TFDP1: variants seen among roughly 807,000 people sequenced by gnomAD.
The protein encoded by TFDP1 is DRTF1-polypeptide 1.
In TFDP1, 6 loss-of-function variants were observed where a neutral mutation model predicts 48.0. The ratio of observed to expected loss-of-function variants is 0.13; its 90% confidence interval spans 0.07 to 0.25. TFDP1 has a LOEUF of 0.25. TFDP1 is among the 10% of genes least tolerant of loss of function. The pLI, the probability that TFDP1 is intolerant of heterozygous loss-of-function variation, is 1.00. For synonymous variants in TFDP1, 201 were observed against 211.6 expected (o/e 0.95, Z 0.44); for missense variants, 335 against 543.0 (o/e 0.62, Z 3.81).
chr13:113,636,501 C>G (rs373962549), intron 9 of TFDP1, 33 bp from the exon 10 acceptor site: 9 of 1,608,968 alleles, frequency 5.6e-6, no homozygotes, highest in Non-Finnish European at 7.6e-6. Flanking sequence ...CGCTGGGAGA[C>G]CCTGTCTTTC....
Position 113,638,465 on chromosome 13 carries a change from G to A in TFDP1, c.1085+569G>A, listed in dbSNP as rs554819159. 1.3e-4 allele frequency among the ~76,000 whole-genome samples: 19 copies of A among 151,714 alleles called. No homozygotes were observed. In the South Asian group the frequency reaches 3.5e-3, roughly 28 times the overall value. ...GAACGCGTCTGCGGTCTCGGCGCAC[G>A]TGCTGCGATCACAGTGCATGTATTT... is the stretch of plus-strand genomic sequence containing the variant. On this transcript the variant is annotated intron_variant, in intron 11 of 11. Transcript: ENST00000375370.
At chr13:113,630,801 A>C (rs2140569178) in intron 4 of TFDP1, among the ~76,000 whole-genome samples, 1 of 148,552 alleles carries the variant, frequency 6.7e-6, no homozygotes, top group Non-Finnish European at 1.5e-5. Flanking sequence ...GTCAAGAGTC[A>C]GACCAGCCAG....
At chr13:113,609,365 TGG>T (rs1315031914) in intron 2 of TFDP1, among the ~76,000 whole-genome samples, 2,081 of 152,304 alleles carry the variant, frequency 0.014, 48 homozygotes, top group African/African-American at 0.047. Context: ...CAGCCAGGGC[TGG>T]GACGGTGCCT....
At position 113,633,941 on chromosome 13, in the gene TFDP1, C is replaced by T; in HGVS notation, c.526C>T (p.Leu176=). 6.2e-7 allele frequency: 1 copy of T among 1,614,182 alleles called. No individual in the cohort carries two copies. Among genetic ancestry groups the T allele is most frequent in the Non-Finnish European group, 8.5e-7 (1 of 1,180,040 alleles). The change falls in exon 7 of 12, where the codon CTA becomes TTA. Residue 176 remains leucine (L), a synonymous_variant. Coordinates refer to ENST00000375370, the MANE Select transcript of TFDP1 (RefSeq NM_007111.5). The surrounding 1 kb of genome is among the most constrained non-coding windows in gnomAD (Gnocchi z 4.5). ...RRRVYDALNV[L]MAMNIISKEK... ...GCGCGTCTACGATGCCTTAAACGTG[C>T]TAATGGCCATGAACATCATCTCCAA... is the stretch of plus-strand genomic sequence containing the variant.
chr13:113,598,693 C>T lies in TFDP1; in HGVS notation c.13-12303C>T, dbSNP rs1387178329. Among the ~76,000 whole-genome samples, 2 of 152,204 alleles carry T rather than the reference C, an allele frequency of 1.3e-5. No homozygotes were observed. The highest frequency in any genetic ancestry group is 2.9e-5 in the Non-Finnish European group (2 of 68,034). On this transcript the variant is annotated intron_variant, in intron 2 of 11. Transcript: ENST00000375370. This position sits in a 1 kb window ranked among gnomAD's most constrained non-coding sequence, Gnocchi z 4.2. ...CCTCCTGGGTGGAGTCTGCGTCCCC[C>T]TTTCCTGGTCATTTAAGTTGCGTGG...
chr13:113,608,021 G>A (rs936497010), intron 2 of TFDP1, among the ~76,000 whole-genome samples: 16 of 152,224 alleles, frequency 1.1e-4, no homozygotes, highest in Non-Finnish European at 2.1e-4. Flanking sequence ...AGACACGAGC[G>A]TCACAGTGGC....
chr13:113,593,717 C>T (rs1455987806), intron 2 of TFDP1, among the ~76,000 whole-genome samples: 3 of 142,022 alleles, frequency 2.1e-5, no homozygotes, highest in African/African-American at 8.0e-5. Context: ...TACGTGGGTC[C>T]TCAGCCCTGC....
At position 113,623,447 on chromosome 13, in the gene TFDP1, C is replaced by A. The variant is rs2049044982; in HGVS notation, c.186+161C>A. 6.6e-6 allele frequency among the ~76,000 whole-genome samples: 1 copy of A among 152,174 alleles called. No homozygotes were observed. Among genetic ancestry groups the A allele is most frequent in the Admixed American group, 6.5e-5 (1 of 15,278 alleles). ...GAGCCCGTGGCCAGTGCTAGATTTT[C>A]CATAGCCCTCTGCAGCTGCCCACGT... On this transcript the variant is annotated intron_variant, in intron 4 of 11. Coordinates refer to ENST00000375370, the MANE Select transcript of TFDP1 (RefSeq NM_007111.5). This position sits in a 1 kb window ranked among gnomAD's most constrained non-coding sequence, Gnocchi z 5.2.
At chr13:113,611,109 A>C (rs1377951614) in intron 3 of TFDP1, 47 bp downstream of exon 3, 1 of 1,514,580 alleles carries the variant, frequency 6.6e-7, no homozygotes, top group African/African-American at 1.4e-5. Flanking sequence ...TGAATGCATG[A>C]AGCTTCACAT....
chr13:113,628,433 T>C lies in TFDP1; in HGVS notation c.187-3190T>C, dbSNP rs187611000. 2.0e-3 allele frequency among the ~76,000 whole-genome samples: 311 copies of C among 152,308 alleles called. 2 individuals carry two copies. The highest frequency in any genetic ancestry group is 7.0e-3 in the African/African-American group (291 of 41,574). Reference sequence around the variant, plus strand: ...GTGGGGCCTGGGTCACCTCCCCTGCTCCCCAGCGAGAGGCGGGTGAGGGAG... The same window carrying C: ...GTGGGGCCTGGGTCACCTCCCCTGCCCCCCAGCGAGAGGCGGGTGAGGGAG... On this transcript the variant is annotated intron_variant, in intron 4 of 11. Transcript: ENST00000375370.
chr13:113,595,774 C>T (rs1214270143), intron 2 of TFDP1, among the ~76,000 whole-genome samples: 2 of 152,230 alleles, frequency 1.3e-5, no homozygotes, highest in African/African-American at 4.8e-5. Context: ...TAGTCATTTA[C>T]TTCCTCTCCT....
intron 2 of TFDP1, among the ~76,000 whole-genome samples, chr13:113,608,767 T>G (rs2048633003): frequency 6.6e-6 from 1 of 152,220 alleles, no homozygotes; most frequent in Admixed American, 6.5e-5. Context: ...CTTAACCTAC[T>G]TTGCTGTAGT....
chr13:113,627,944 C>T lies in TFDP1; in HGVS notation c.187-3679C>T, dbSNP rs994774479. 2.0e-5 allele frequency among the ~76,000 whole-genome samples: 3 copies of T among 152,190 alleles called. No homozygotes were observed. Among genetic ancestry groups the T allele is most frequent in the African/African-American group, 7.2e-5 (3 of 41,454 alleles). On this transcript the variant is annotated intron_variant, in intron 4 of 11. Coordinates refer to ENST00000375370, the MANE Select transcript of TFDP1 (RefSeq NM_007111.5). The surrounding 1 kb of genome is among the most constrained non-coding windows in gnomAD (Gnocchi z 4.1). ...GTGCAGCCAGTGAGGAGGGGAGCTCCTGGGGGAGGAGGGTTGGTCTCGGGC... is the reference window on the plus strand; with the variant it reads ...GTGCAGCCAGTGAGGAGGGGAGCTCTTGGGGGAGGAGGGTTGGTCTCGGGC...
At chr13:113,600,107 C>G (rs560336841) in intron 2 of TFDP1, among the ~76,000 whole-genome samples, 7 of 150,582 alleles carry the variant, frequency 4.6e-5, no homozygotes, top group Admixed American at 3.3e-4. Context: ...AGAGAGAACC[C>G]AGGACCGTGA....
At chr13:113,629,445 T>C (rs1025446874) in intron 4 of TFDP1, among the ~76,000 whole-genome samples, 38 of 152,338 alleles carry the variant, frequency 2.5e-4, no homozygotes, top group African/African-American at 8.9e-4. Flanking sequence ...GGGTTTGACC[T>C]GTGATTTTGA....
chr13:113,634,664 C>A, intron 8 of TFDP1, 62 bp downstream of exon 8: 2 of 1,249,642 alleles, frequency 1.6e-6, no homozygotes, highest in Non-Finnish European at 2.3e-6. Context: ...AGCTTTATAA[C>A]GGCAACATAC....
At chr13:113,620,361 C>T (rs73577473) in intron 3 of TFDP1, among the ~76,000 whole-genome samples, 3,833 of 152,284 alleles carry the variant, frequency 0.025, 120 homozygotes, top group East Asian at 0.11. Context: ...CTGTTCAGGA[C>T]GGAAAGAGCC....
Position 113,611,028 on chromosome 13 carries a change from G to A in TFDP1, c.45G>A (p.Lys15=), listed in dbSNP as rs1209018022. Residue 15 remains lysine, a synonymous_variant, in exon 3 of 12, where the codon AAG becomes AAA. Coordinates refer to ENST00000375370, the MANE Select transcript of TFDP1 (RefSeq NM_007111.5). Reference sequence around the variant, plus strand: ...TAATTGAAGCCAACGGAGAACTCAAGGTCTTCATAGACCAGAACCTTAGTC... The same window carrying A: ...TAATTGAAGCCAACGGAGAACTCAAAGTCTTCATAGACCAGAACCTTAGTC... ...AGLIEANGEL[K]VFIDQNLSPG... 1 of 1,614,036 alleles carries A rather than the reference G, an allele frequency of 6.2e-7. No homozygotes were observed. The highest frequency in any genetic ancestry group is 8.5e-7 in the Non-Finnish European group (1 of 1,180,032).
Position 113,631,541 on chromosome 13 carries a change from C to T in TFDP1, c.187-82C>T, listed in dbSNP as rs535857992. On this transcript the variant is annotated intron_variant, in intron 4 of 11. Coordinates refer to ENST00000375370, the MANE Select transcript of TFDP1 (RefSeq NM_007111.5). ...GGTTAAGGAAATTCAGCAGTGGCTGCGGATAGCGAACAGATGGTGGGCATG... is the reference window on the plus strand; with the variant it reads ...GGTTAAGGAAATTCAGCAGTGGCTGTGGATAGCGAACAGATGGTGGGCATG... 16 of 1,499,244 alleles carry T rather than the reference C, an allele frequency of 1.1e-5. No individual in the cohort carries two copies. In the Admixed American group the frequency reaches 1.7e-4, roughly 16 times the overall value. The allele number at this position is 1,499,244 out of a possible 1,614,324, so 92.9% of individuals were successfully genotyped here.
Sources: gnomAD v4.1 joint callset for allele counts (sites outside exome capture counted in the v4.1 genomes callset) on GRCh38, gnomAD v4.1.1 for gene constraint, Gnocchi (gnomAD v3.1) non-coding constraint, MANE v1.5 for transcripts, NCBI Gene and HGNC (gene_info 2026-07-23, HGNC 2026-07-21) for gene names.